ZNF18: variants seen among roughly 807,000 people sequenced by gnomAD.
ZNF18 encodes zinc finger protein 18, also known as heart development-specific gene 1 protein.
A neutral mutation model predicts 58.1 loss-of-function variants in ZNF18; 42 were observed. The observed-to-expected ratio is 0.72, with a 90% CI of 0.56 to 0.93. The LOEUF is 0.93. ZNF18 is among the 40% of genes least tolerant of loss of function. The pLI is 0.00. For missense variants in ZNF18, 540 were observed against 644.2 expected (o/e 0.84, Z 1.75); for synonymous variants, 231 against 239.8 (o/e 0.96, Z 0.34).
Position 11,992,614 on chromosome 17 carries a change from T to G in ZNF18, c.216A>C (p.Pro72=). 3 of 1,614,256 alleles carry G rather than the reference T, an allele frequency of 1.9e-6. No homozygotes were observed. The highest frequency in any genetic ancestry group is 2.5e-6 in the Non-Finnish European group (3 of 1,180,046). ...GGATCTGCTCTTTGGTGTGAACCTC[T>G]GGCTGTAGCCACTGGAAACAGAGCT... is the stretch of plus-strand genomic sequence containing the variant. ...LRKLCFQWLQ[P]EVHTKEQILE... The change falls in exon 2 of 7, where the codon CCA becomes CCC. Residue 72 remains proline, a synonymous_variant. Coordinates refer to ENST00000580306, the MANE Select transcript of ZNF18 (RefSeq NM_001303281.2).
Position 11,992,705 on chromosome 17 carries a change from T to C in ZNF18, c.125A>G (p.Gln42Arg). ...EELSSPETARQLFRQFRYQVM... is the reference protein window; with the variant it reads ...EELSSPETARRLFRQFRYQVM... ...CTGGTAACGGAACTGCCTGAAAAGC[T>C]GGCGTGCGGTCTCAGGGCTGGAGAG... Residue 42 changes from glutamine to arginine, a missense_variant, in exon 2 of 7, where the codon CAG becomes CGG. By Grantham distance (43) the Gln-to-Arg change is conservative. Transcript: ENST00000580306. 12 of 1,614,254 alleles carry C rather than the reference T, an allele frequency of 7.4e-6. No homozygotes were observed. Among genetic ancestry groups the C allele is most frequent in the Non-Finnish European group, 9.3e-6 (11 of 1,180,046 alleles).
chr17:11,986,733 A>C (rs16945502), intron 4 of ZNF18, among the ~76,000 whole-genome samples: 1,748 of 152,314 alleles, frequency 0.011, 29 homozygotes, highest in African/African-American at 0.039. Flanking sequence ...CCTTGGCTTC[A>C]GTGCTAGCAG....
the ZNF18 span, among the ~76,000 whole-genome samples, chr17:12,019,294 A>ATGTGTGTG: frequency 9.8e-4 from 143 of 145,446 alleles, 1 homozygote; most frequent in East Asian, 2.2e-3. Flanking sequence ...ATAATATTGG[A>ATGTGTGTG]TGTGTGTGTG....
chr17:12,020,922 C>A, the ZNF18 span: 1 of 1,217,612 alleles, frequency 8.2e-7, no homozygotes, highest in Non-Finnish European at 1.0e-6. Flanking sequence ...GCGGCGGCTC[C>A]GGGGGCGGCA....
chr17:12,006,475 G>C, the ZNF18 span, among the ~76,000 whole-genome samples: 32 of 152,342 alleles, frequency 2.1e-4, no homozygotes, highest in East Asian at 4.0e-3. Context: ...ACCTAGAACA[G>C]TGCCTTGGCA....
At chr17:12,020,441 T>C in the ZNF18 span, among the ~76,000 whole-genome samples, 1 of 152,044 alleles carries the variant, frequency 6.6e-6, no homozygotes, top group Admixed American at 6.5e-5. Context: ...CTTCTGGAAG[T>C]GATGTGTTAG....
upstream of ZNF18, among the ~76,000 whole-genome samples, chr17:12,001,054 G>A (rs1233926021): frequency 2.0e-5 from 3 of 152,178 alleles, no homozygotes; most frequent in African/African-American, 4.8e-5. Flanking sequence ...GGGGAGAAAA[G>A]TGACAATTAC....
the ZNF18 span, among the ~76,000 whole-genome samples, chr17:12,006,320 C>T: frequency 1.3e-4 from 20 of 152,102 alleles, no homozygotes; most frequent in South Asian, 2.1e-4. Context: ...TATCCAGGAA[C>T]TCCTAACATA....
Position 11,984,101 on chromosome 17 carries a change from C to G in ZNF18, c.751+12G>C. 1.2e-6 allele frequency: 2 copies of G among 1,610,004 alleles called. No individual in the cohort carries two copies. The highest frequency in any genetic ancestry group is 8.5e-7 in the Non-Finnish European group (1 of 1,178,298). ...TTCTACCTCCTTCCATCAGACTAAC[C>G]CACACCCTCACCTCCTGAGACCATT... On this transcript the variant is annotated intron_variant, in intron 5 of 6. Coordinates refer to ENST00000580306, the MANE Select transcript of ZNF18 (RefSeq NM_001303281.2).
intron 4 of ZNF18, among the ~76,000 whole-genome samples, chr17:11,985,853 T>A (rs189983706): frequency 6.6e-6 from 1 of 152,276 alleles, no homozygotes; most frequent in Admixed American, 6.5e-5. Flanking sequence ...CTGCACACTT[T>A]CAGAAACCGC....
chr17:12,011,535 G>A, the ZNF18 span, among the ~76,000 whole-genome samples: 3 of 150,536 alleles, frequency 2.0e-5, no homozygotes, highest in South Asian at 4.2e-4. Context: ...ACAGGCACCC[G>A]CCACCACACC....
At chr17:11,986,677 T>C (rs1278635895) in intron 4 of ZNF18, among the ~76,000 whole-genome samples, 2 of 152,188 alleles carry the variant, frequency 1.3e-5, no homozygotes, top group Admixed American at 6.5e-5. Flanking sequence ...TGAGCAAACA[T>C]TGCTGAACAC....
the ZNF18 span, among the ~76,000 whole-genome samples, chr17:12,005,605 T>G: frequency 6.6e-6 from 1 of 152,178 alleles, no homozygotes; most frequent in Admixed American, 6.6e-5. Flanking sequence ...TTTTCACTTT[T>G]GACAACCATT....
At chr17:12,017,434 C>T in the ZNF18 span, among the ~76,000 whole-genome samples, 1 of 152,300 alleles carries the variant, frequency 6.6e-6, no homozygotes, top group Non-Finnish European at 1.5e-5. Flanking sequence ...TGCTCAAAGA[C>T]AATTGCTAAG....
upstream of ZNF18, among the ~76,000 whole-genome samples, chr17:12,000,535 CCTGT>C (rs1968639056): frequency 6.6e-6 from 1 of 152,112 alleles, no homozygotes; most frequent in Non-Finnish European, 1.5e-5. Flanking sequence ...ATGGAGAAAA[CCTGT>C]CTCTACTAAA....
chr17:12,015,476 C>T, the ZNF18 span, among the ~76,000 whole-genome samples: 136 of 152,210 alleles, frequency 8.9e-4, no homozygotes, highest in Admixed American at 2.2e-3. Context: ...TTTGTTCTAG[C>T]GAGTAATACA....
At chr17:11,984,221 A>T in intron 4 of ZNF18, 24 bp from the exon 5 acceptor site, 1 of 1,582,490 alleles carries the variant, frequency 6.3e-7, no homozygotes, top group Non-Finnish European at 8.6e-7. Flanking sequence ...AAAAAAAGCA[A>T]TACAATACCA....
At chr17:12,019,874 T>C in the ZNF18 span, among the ~76,000 whole-genome samples, 4 of 152,214 alleles carry the variant, frequency 2.6e-5, no homozygotes, top group African/African-American at 9.6e-5. Context: ...TTAGATTCTT[T>C]GGGAAGTAGG....
At chr17:11,990,384 T>C in intron 4 of ZNF18, 78 bp downstream of exon 4, 1 of 1,240,762 alleles carries the variant, frequency 8.1e-7, no homozygotes. Flanking sequence ...GGATGGAGAA[T>C]GGGGTGAAGA....
Sources: gnomAD v4.1 joint callset for allele counts (sites outside exome capture counted in the v4.1 genomes callset) on GRCh38, gnomAD v4.1.1 for gene constraint, MANE v1.5 for transcripts, NCBI Gene and HGNC (gene_info 2026-07-23, HGNC 2026-07-21) for gene names.